Variants in FARP2 observed in about 807,000 individuals in gnomAD.
The protein encoded by FARP2 is FERM, ARH/RhoGEF and pleckstrin domain protein 2, also known as FERM, ARHGEF and pleckstrin domain-containing protein 2.
A neutral mutation model predicts 130.5 loss-of-function variants in FARP2; 111 were observed. That is an observed-to-expected ratio of 0.85 (90% CI 0.73 to 1.00). FARP2 has a LOEUF of 1.00. Ranked by LOEUF, FARP2 falls within the 50% of genes least tolerant of loss-of-function variation. The pLI, the probability that FARP2 is intolerant of heterozygous loss-of-function variation, is 0.00. For missense variants in FARP2, 1,385 were observed against 1,346.3 expected (o/e 1.03, Z -0.45); for synonymous variants, 504 against 516.9 (o/e 0.98, Z 0.34).
At position 241,463,602 on chromosome 2, in the gene FARP2, G is replaced by C. The variant is rs556403383; in HGVS notation, c.1811+134G>C. 4.4e-5 allele frequency: 44 copies of C among 1,006,022 alleles called. No homozygotes were observed. In the South Asian group the frequency reaches 6.9e-4, roughly 16 times the overall value. The allele number at this position is 1,006,022 out of a possible 1,614,324, so 62.3% of individuals were successfully genotyped here. A position where few individuals can be genotyped will look rare whatever the true frequency, so the allele number is the denominator to read the frequency against. The stretch of plus-strand genomic sequence containing the variant: ...TGGAGCATATTTTTAGGAGCCTGTG[G>C]GGAGAGGTACAGATGTAATAATACC... On this transcript the variant is annotated intron_variant, in intron 16 of 26. Transcript: ENST00000264042.
At position 241,441,485 on chromosome 2, in the gene FARP2, G is replaced by A. The variant is rs1655579916; in HGVS notation, c.1340G>A (p.Gly447Glu). 4 of 1,614,170 alleles carry A rather than the reference G, an allele frequency of 2.5e-6. No individual in the cohort carries two copies. The highest frequency in any genetic ancestry group is 3.4e-6 in the Non-Finnish European group (4 of 1,180,028). ...VKSPAAERRS[G>E]AVAGGPDTPS... ...AGTCCAGCTGCAGAGAGGCGCAGTG[G>A]AGCAGTGGCTGGAGGCCCCGACACA... is the stretch of plus-strand genomic sequence containing the variant. The change falls in exon 13 of 27, where the codon GGA becomes GAA. Residue 447 changes from glycine to glutamate, a missense_variant. Coordinates refer to ENST00000264042, the MANE Select transcript of FARP2 (RefSeq NM_014808.4).
rs1315593179 is a variant in FARP2, at chr2:241,404,808, G to A, written c.298G>A (p.Glu100Lys). The A allele has an allele frequency of 6.2e-7, 1 of 1,608,208 alleles. No homozygotes were observed. Among genetic ancestry groups the A allele is most frequent in the Non-Finnish European group, 8.5e-7 (1 of 1,174,986 alleles). ...QNTQSYWIWL[E>K]PMKPIIRQIR... The stretch of plus-strand genomic sequence containing the variant: ...GTTAACTCTTCTTTAGATTTGGCTT[G>A]AACCTATGAAACCCATCATTAGGCA... Residue 100 changes from glutamate to lysine, a missense_variant, in exon 4 of 27, where the codon GAA becomes AAA. Physicochemically the swap from Glu to Lys is moderately conservative, Grantham distance 56. Coordinates refer to ENST00000264042, the MANE Select transcript of FARP2 (RefSeq NM_014808.4).
intron 2 of FARP2, among the ~76,000 whole-genome samples, chr2:241,399,328 C>T (rs140220210): frequency 2.4e-4 from 36 of 152,220 alleles, no homozygotes; most frequent in Non-Finnish European, 3.5e-4. Context: ...GTTTTTGAGA[C>T]GGAGTCTAGC....
chr2:241,422,544 AG>A (rs1243623966), intron 8 of FARP2, among the ~76,000 whole-genome samples: 2 of 152,184 alleles, frequency 1.3e-5, no homozygotes, highest in African/African-American at 4.8e-5. Context: ...ACACTCAAAA[AG>A]TCAGAGTGCC....
chr2:241,462,504 A>G lies in FARP2; in HGVS notation c.1588-19A>G, dbSNP rs2064048160. The G allele has an allele frequency of 1.3e-6, 2 of 1,597,382 alleles. No homozygotes were observed. The highest frequency in any genetic ancestry group is 1.7e-6 in the Non-Finnish European group (2 of 1,164,874). The stretch of plus-strand genomic sequence containing the variant: ...CCATGTCCCAGGGACGCACACTTAC[A>G]GCTCTCTGCTTCTTTCAGCGCGTGC... On this transcript the variant is annotated intron_variant, in intron 14 of 26. Transcript: ENST00000264042.
At chr2:241,483,348 T>C (rs2064671609) in intron 19 of FARP2, 117 bp from the exon 20 acceptor site, 1 of 837,384 alleles carries the variant, frequency 1.2e-6, no homozygotes, top group Admixed American at 1.8e-5. Flanking sequence ...GGACCCTCAT[T>C]GGGAGGAGCC....
At chr2:241,450,504 A>G (rs1574847816) in intron 13 of FARP2, among the ~76,000 whole-genome samples, 3 of 151,920 alleles carry the variant, frequency 2.0e-5, no homozygotes, top group East Asian at 3.9e-4. Flanking sequence ...CGTCTCTACT[A>G]AAAATACGAA....
intron 2 of FARP2, among the ~76,000 whole-genome samples, chr2:241,403,606 A>C (rs1027697643): frequency 1.3e-5 from 2 of 152,212 alleles, no homozygotes; most frequent in African/African-American, 4.8e-5. Context: ...AACACACTAA[A>C]TGTAAAATGG....
At chr2:241,452,899 C>T (rs962280336) in intron 13 of FARP2, among the ~76,000 whole-genome samples, 1 of 151,218 alleles carries the variant, frequency 6.6e-6, no homozygotes, top group Non-Finnish European at 1.5e-5. Flanking sequence ...CGAGATCATG[C>T]CATTGCACTC....
intron 11 of FARP2, 58 bp from the exon 12 acceptor site, chr2:241,436,423 A>G (rs1347508377): frequency 3.3e-6 from 5 of 1,508,738 alleles, no homozygotes; most frequent in Non-Finnish European, 4.6e-6. Context: ...GCTGCTTTAA[A>G]AACAGGCGCT....
At chr2:241,380,818 A>T (rs1027371205) in intron 2 of FARP2, among the ~76,000 whole-genome samples, 5 of 152,018 alleles carry the variant, frequency 3.3e-5, no homozygotes, top group African/African-American at 1.2e-4. Context: ...AAATGTCTAC[A>T]TTCTTGGCCC....
intron 2 of FARP2, among the ~76,000 whole-genome samples, chr2:241,374,247 A>AG (rs1282992001): frequency 6.6e-6 from 1 of 152,132 alleles, no homozygotes; most frequent in Non-Finnish European, 1.5e-5. Flanking sequence ...CCTGGGCTCA[A>AG]GGGATCCTCC....
chr2:241,425,549 C>G (rs577221517), intron 8 of FARP2, among the ~76,000 whole-genome samples: 2 of 146,700 alleles, frequency 1.4e-5, no homozygotes, highest in South Asian at 4.2e-4. Flanking sequence ...TAGAAAGCAA[C>G]GGGGCTTTCC....
chr2:241,359,179 G>T (rs1042407331), intron 1 of FARP2, among the ~76,000 whole-genome samples: 1 of 152,232 alleles, frequency 6.6e-6, no homozygotes, highest in Admixed American at 6.5e-5. Flanking sequence ...ACAGGATCAG[G>T]AGGGTAGTTA....
At chr2:241,493,562 A>G (rs2065010308) in intron 26 of FARP2, 118 bp downstream of exon 26, 6 of 886,372 alleles carry the variant, frequency 6.8e-6, no homozygotes, top group South Asian at 3.1e-5. Flanking sequence ...GGGCTGAGCA[A>G]TGCTTCCAGC....
chr2:241,493,531 T>G, intron 26 of FARP2, 87 bp downstream of exon 26: 1 of 1,275,712 alleles, frequency 7.8e-7, no homozygotes, highest in Non-Finnish European at 1.1e-6. Flanking sequence ...GGAGGCAAGT[T>G]TTCTGGGCCC....
intron 5 of FARP2, 161 bp from the exon 6 acceptor site, chr2:241,410,872 T>C: frequency 1.7e-6 from 1 of 586,528 alleles, no homozygotes. Context: ...ATGAAAGGCC[T>C]TTTGTGACTT....
intron 22 of FARP2, 34 bp downstream of exon 22, chr2:241,490,078 C>A: frequency 6.7e-7 from 1 of 1,483,140 alleles, no homozygotes; most frequent in East Asian, 2.3e-5. Context: ...CCTGAGCAGC[C>A]CTGGATGGAG....
intron 8 of FARP2, among the ~76,000 whole-genome samples, chr2:241,424,987 C>T (rs1471683188): frequency 1.3e-5 from 2 of 152,154 alleles, no homozygotes; most frequent in African/African-American, 2.4e-5. Context: ...GGGGGCAGAT[C>T]ACTTGATGTC....
Sources: allele counts gnomAD v4.1 joint callset (sites outside exome capture counted in the v4.1 genomes callset), GRCh38; gene constraint gnomAD v4.1.1; transcripts MANE v1.5; gene names NCBI Gene and HGNC (gene_info 2026-07-23, HGNC 2026-07-21).